Variants in ANKS1B observed in about 807,000 individuals in gnomAD.
ANKS1B encodes ankyrin repeat and sterile alpha motif domain containing 1B.
Under a neutral mutation model 148.3 loss-of-function variants are expected in ANKS1B, and 36 were observed. That is an observed-to-expected ratio of 0.24 (90% confidence interval 0.19 to 0.32). The LOEUF (loss-of-function observed/expected upper bound fraction) is 0.32. Among genes scored for constraint, ANKS1B ranks in the 10% least tolerant of loss-of-function variants. The pLI is 1.00. For missense variants in ANKS1B, 1,157 were observed against 1,542.6 expected (o/e 0.75, Z 4.19); for synonymous variants, 542 against 560.8 (o/e 0.97, Z 0.47).
Position 99,609,473 on chromosome 12 carries a change from G to C in ANKS1B, c.1272+45594C>G, listed in dbSNP as rs193218468. On this transcript the variant is annotated intron_variant, in intron 9 of 26. Coordinates refer to ENST00000683438, the MANE Select transcript of ANKS1B (RefSeq NM_001352186.2). ...CAAAAGAAAAGTCAAAAGAACGAAA[G>C]ACCTTTGCTACCACAGGACCAAGCA... 1.6e-4 allele frequency among the ~76,000 whole-genome samples: 24 copies of C among 151,476 alleles called. No homozygotes were observed. The East Asian group carries it at 4.5e-3, about 28-fold the overall frequency.
intron 12 of ANKS1B, among the ~76,000 whole-genome samples, chr12:99,256,944 T>A (rs1050316963): frequency 7.2e-5 from 11 of 152,134 alleles, no homozygotes; most frequent in South Asian, 2.1e-4. Context: ...CTACATTTTT[T>A]AAAAAAATTA....
chr12:98,736,669 G>T (rs1482282891), intron 9 of ANKS1B, among the ~76,000 whole-genome samples: 2 of 151,766 alleles, frequency 1.3e-5, no homozygotes, highest in Non-Finnish European at 2.9e-5. Context: ...AAGACAGGGG[G>T]CCCCAAGACT....
At chr12:98,771,688 A>G (rs952772216) in intron 25 of ANKS1B, among the ~76,000 whole-genome samples, 5 of 152,098 alleles carry the variant, frequency 3.3e-5, no homozygotes, top group African/African-American at 9.7e-5. Context: ...CATGTTTCTC[A>G]GGCTCATCTT....
At chr12:99,759,901 T>C (rs2061922737) in intron 8 of ANKS1B, among the ~76,000 whole-genome samples, 1 of 151,752 alleles carries the variant, frequency 6.6e-6, no homozygotes, top group Non-Finnish European at 1.5e-5. Context: ...AGCTGAGTTC[T>C]TCTACTAGAA....
intron 1 of ANKS1B, among the ~76,000 whole-genome samples, chr12:99,934,887 C>T (rs2094719505): frequency 1.3e-5 from 2 of 152,036 alleles, no homozygotes; most frequent in Admixed American, 6.6e-5. Context: ...AGTATAGAAT[C>T]TCTACAGAAG....
At chr12:98,895,056 A>G (rs1219188945) in intron 17 of ANKS1B, 5 of 933,858 alleles carry the variant, frequency 5.4e-6, no homozygotes, top group Non-Finnish European at 6.4e-6. Flanking sequence ...TGCGCTCTCC[A>G]TTGTTCCGCG....
intron 12 of ANKS1B, among the ~76,000 whole-genome samples, chr12:99,279,129 T>C (rs1214389277): frequency 6.6e-6 from 1 of 152,208 alleles, no homozygotes; most frequent in East Asian, 1.9e-4. Context: ...CAGGCTGGCC[T>C]TGAATTCCTG....
At chr12:99,347,650 A>G (rs2090892520) in intron 12 of ANKS1B, among the ~76,000 whole-genome samples, 1 of 152,074 alleles carries the variant, frequency 6.6e-6, no homozygotes, top group Admixed American at 6.6e-5. Context: ...AGGATAAAAA[A>G]TACTGTCAGT....
At position 98,800,723 on chromosome 12, in the gene ANKS1B, T is replaced by C. The variant is rs935589015; in HGVS notation, c.3270+274A>G. On this transcript the variant is annotated intron_variant, in intron 21 of 26. Transcript: ENST00000683438. ...TTTACACTCATTTCCATTTTAAGAT[T>C]GTACGTTATAACATTTATTTAAAAA... Among the ~76,000 whole-genome samples the C allele has an allele frequency of 2.0e-5, 3 of 147,414 alleles. No individual in the cohort carries two copies. The South Asian group carries it at 6.4e-4, about 31-fold the overall frequency.
At chr12:98,972,607 A>G (rs2099884282) in intron 17 of ANKS1B, among the ~76,000 whole-genome samples, 1 of 152,174 alleles carries the variant, frequency 6.6e-6, no homozygotes, top group Non-Finnish European at 1.5e-5. Flanking sequence ...TTTCTATTAC[A>G]CTTTACTATG....
At chr12:99,012,814 T>C (rs1336117380) in intron 17 of ANKS1B, among the ~76,000 whole-genome samples, 1 of 152,190 alleles carries the variant, frequency 6.6e-6, no homozygotes, top group Non-Finnish European at 1.5e-5. Context: ...CATTTTATAA[T>C]TTAAGAACTC....
At chr12:98,984,060 G>A (rs2099921901) in intron 17 of ANKS1B, among the ~76,000 whole-genome samples, 1 of 152,138 alleles carries the variant, frequency 6.6e-6, no homozygotes, top group East Asian at 1.9e-4. Flanking sequence ...ATCTCCTGTG[G>A]ATATCACAGT....
At chr12:98,854,528 G>A (rs2099551450) in intron 17 of ANKS1B, among the ~76,000 whole-genome samples, 1 of 152,230 alleles carries the variant, frequency 6.6e-6, no homozygotes, top group Admixed American at 6.5e-5. Context: ...AAGGAAACAA[G>A]TTCAGGGAGG....
At chr12:99,579,156 T>A (rs568270515) in intron 9 of ANKS1B, among the ~76,000 whole-genome samples, 5 of 152,230 alleles carry the variant, frequency 3.3e-5, no homozygotes. Context: ...ATGCAGAAGA[T>A]TGAAACTGGA....
At chr12:98,881,623 A>C (rs2099708374) in intron 17 of ANKS1B, among the ~76,000 whole-genome samples, 1 of 152,184 alleles carries the variant, frequency 6.6e-6, no homozygotes, top group Non-Finnish European at 1.5e-5. Context: ...CAATATTTTA[A>C]GACTAACCTG....
intron 17 of ANKS1B, among the ~76,000 whole-genome samples, chr12:98,920,456 A>C (rs113532551): frequency 0.063 from 9,522 of 152,272 alleles, 631 homozygotes; most frequent in South Asian, 0.25. Flanking sequence ...GGGAGGCCTC[A>C]CAATCATGGT....
At chr12:99,116,280 A>G (rs1374189923) in intron 15 of ANKS1B, among the ~76,000 whole-genome samples, 2 of 152,148 alleles carry the variant, frequency 1.3e-5, no homozygotes, top group Non-Finnish European at 2.9e-5. Flanking sequence ...TGGGTCTTCT[A>G]TACTGGGGAC....
At chr12:99,108,769 G>A (rs1487042870) in intron 15 of ANKS1B, among the ~76,000 whole-genome samples, 2 of 152,072 alleles carry the variant, frequency 1.3e-5, no homozygotes, top group Non-Finnish European at 1.5e-5. Flanking sequence ...AAAGGTGTTT[G>A]ACAGAAAAAG....
intron 17 of ANKS1B, among the ~76,000 whole-genome samples, chr12:98,986,304 T>C (rs1166528767): frequency 6.6e-6 from 1 of 152,034 alleles, no homozygotes; most frequent in African/African-American, 2.4e-5. Flanking sequence ...CTTCTGTGCA[T>C]TTCTCTCTCT....
Sources: gnomAD v4.1 joint callset for allele counts (sites outside exome capture counted in the v4.1 genomes callset) on GRCh38, gnomAD v4.1.1 for gene constraint, MANE v1.5 for transcripts, NCBI Gene and HGNC (gene_info 2026-07-23, HGNC 2026-07-21) for gene names.